The following MDC1 variants were observed in gnomAD, a reference collection of about 807,000 sequenced individuals.
MDC1 encodes the protein mediator of DNA damage checkpoint protein 1.
A neutral mutation model predicts 142.5 loss-of-function variants in MDC1; 81 were observed. The observed-to-expected ratio is 0.57, with a 90% confidence interval of 0.47 to 0.68. MDC1 has a LOEUF of 0.68. Ranked by LOEUF, MDC1 falls within the 30% of genes least tolerant of loss-of-function variation. MDC1 has a pLI of 0.00. For missense variants in MDC1, 2,119 were observed against 2,547.9 expected (o/e 0.83, Z 3.62); for synonymous variants, 797 against 968.4 (o/e 0.82, Z 3.29).
rs1182455407 is a variant in MDC1 at position 30,704,220 on chromosome 6, G to A, written c.4963C>T (p.Pro1655Ser). 6.2e-7 allele frequency: 1 copy of A among 1,613,706 alleles called. No individual in the cohort carries two copies. Among genetic ancestry groups the A allele is most frequent in the Non-Finnish European group, 8.5e-7 (1 of 1,179,866 alleles). The change falls in exon 10 of 15, where the codon CCA (proline) becomes TCA (serine). Residue 1655 changes from proline to serine, a missense_variant. By Grantham distance (74) the Pro-to-Ser change is moderately conservative (BLOSUM62 -1). Coordinates refer to ENST00000376406, the MANE Select transcript of MDC1 (RefSeq NM_014641.3). ...SSVKTPKPVEPAASDLEPFTP... is the reference protein window; with the variant it reads ...SSVKTPKPVESAASDLEPFTP... ...AAAGGCTCAAGATCAGAGGCTGCTG[G>A]TTCAACTGGTTTGGGAGTCTTGACA...
chr6:30,702,895 C>T lies in MDC1; in HGVS notation c.5866-18G>A. On this transcript the variant is annotated intron_variant, in intron 12 of 14. Coordinates refer to ENST00000376406, the MANE Select transcript of MDC1 (RefSeq NM_014641.3). ...TTGCGGGACTAAGGACGGCAGCAGT[C>T]AGCATCAAAGCTCAGCCCAGCCCCT... 6.2e-7 allele frequency: 1 copy of T among 1,612,784 alleles called. No homozygotes were observed. Among genetic ancestry groups the T allele is most frequent in the Middle Eastern group, 1.7e-4 (1 of 5,944 alleles).
At position 30,703,916 on chromosome 6, in the gene MDC1, T is replaced by C. The variant is rs374202779; in HGVS notation, c.5267A>G (p.Gln1756Arg). Residue 1756 changes from glutamine (Q) to arginine (R), a missense_variant, in exon 10 of 15, where the codon CAA (glutamine) becomes CGA (arginine). Transcript: ENST00000376406. This position sits in a 1 kb window ranked among gnomAD's most constrained non-coding sequence, Gnocchi z 4.4. ...LEPKSQASRN[Q>R]RWGAVRAAES... ...AGCTGCTCTCACTGCTCCCCATCTT[T>C]GGTTCCTTGAGGCCTGGGATTTAGG... The C allele has an allele frequency of 2.5e-6, 4 of 1,614,040 alleles. No individual in the cohort carries two copies. The African/African-American group carries it at 5.3e-5, about 22-fold the overall frequency.
At chr6:30,706,204 C>G in intron 9 of MDC1, 106 bp from the exon 10 acceptor site, 1 of 1,035,300 alleles carries the variant, frequency 9.7e-7, no homozygotes, top group Non-Finnish European at 1.4e-6. Flanking sequence ...TACCAGATTT[C>G]CACCGGGCGT....
Position 30,703,003 on chromosome 6 carries a change from C to T in MDC1, c.5865+101G>A. 6.3e-7 allele frequency: 1 copy of T among 1,575,920 alleles called. No homozygotes were observed. Among genetic ancestry groups the T allele is most frequent in the South Asian group, 1.2e-5 (1 of 85,934 alleles). On this transcript the variant is annotated intron_variant, in intron 12 of 14. Transcript: ENST00000376406. The surrounding 1 kb of genome is among the most constrained non-coding windows in gnomAD (Gnocchi z 4.4). ...TGCAGGCTTCTGGCTCACCAATGCCCCTGTCTTCCTGTAACGCCTCTTCCC... is the reference window on the plus strand; with the variant it reads ...TGCAGGCTTCTGGCTCACCAATGCCTCTGTCTTCCTGTAACGCCTCTTCCC...
Position 30,712,740 on chromosome 6 carries a change from T to A in MDC1, c.1202A>T (p.Asn401Ile). 1 of 1,613,112 alleles carries A rather than the reference T, an allele frequency of 6.2e-7. No individual in the cohort carries two copies. Among genetic ancestry groups the A allele is most frequent in the Non-Finnish European group, 8.5e-7 (1 of 1,180,036 alleles). The change falls in exon 5 of 15, where the codon AAC becomes ATC. Residue 401 changes from asparagine (N) to isoleucine (I), a missense_variant. Transcript: ENST00000376406. This position sits in a 1 kb window ranked among gnomAD's most constrained non-coding sequence, Gnocchi z 4.7. ...LEKSQASMVINSDTDDEEEVS... is the reference protein window; with the variant it reads ...LEKSQASMVIISDTDDEEEVS... Reference sequence around the variant, plus strand: ...TTCTTCCTCGTCATCTGTATCGCTGTTGATAACCATGGAAGCTTGGCTTTT... The same window carrying A: ...TTCTTCCTCGTCATCTGTATCGCTGATGATAACCATGGAAGCTTGGCTTTT...
At position 30,704,604 on chromosome 6, in the gene MDC1, G is replaced by C; in HGVS notation, c.4579C>G (p.Pro1527Ala). Residue 1527 changes from proline (P) to alanine (A), a missense_variant, in exon 10 of 15, where the codon CCT (proline) becomes GCT (alanine). Coordinates refer to ENST00000376406, the MANE Select transcript of MDC1 (RefSeq NM_014641.3). The part of the protein sequence containing the change: ...GRKNRSSVKT[P>A]ETVVPAAPEL... ...GGGGCTGCGGGCACAACTGTTTCAG[G>C]GGTCTTGACAGAGGACCGATTTTTT... 1 of 1,610,474 alleles carries C rather than the reference G, an allele frequency of 6.2e-7. No individual in the cohort carries two copies. Among genetic ancestry groups the C allele is most frequent in the Non-Finnish European group, 8.5e-7 (1 of 1,178,544 alleles).
Position 30,713,751 on chromosome 6 carries a change from G to T in MDC1, c.518-34C>A. The T allele has an allele frequency of 6.2e-7, 1 of 1,613,824 alleles. No homozygotes were observed. The highest frequency in any genetic ancestry group is 8.5e-7 in the Non-Finnish European group (1 of 1,179,806). On this transcript the variant is annotated intron_variant, in intron 3 of 14. Coordinates refer to ENST00000376406, the MANE Select transcript of MDC1 (RefSeq NM_014641.3). This position sits in a 1 kb window ranked among gnomAD's most constrained non-coding sequence, Gnocchi z 4.9. ...AACAGAAAGGAATGAGTTGACAATT[G>T]TACACTCATTATTCCTGTCTCCTCA...
chr6:30,700,351 C>G lies in MDC1; in HGVS notation c.*114G>C, dbSNP rs1772414376. 2 of 1,064,556 alleles carry G rather than the reference C, an allele frequency of 1.9e-6. No homozygotes were observed. The highest frequency in any genetic ancestry group is 5.2e-5 in the East Asian group (2 of 38,804). The allele number at this position is 1,064,556 out of a possible 1,614,324, so 65.9% of individuals were successfully genotyped here. A position where few individuals can be genotyped will look rare whatever the true frequency, so the allele number is the denominator to read the frequency against. On this transcript the variant is annotated 3_prime_UTR_variant, in exon 15 of 15. Transcript: ENST00000376406. ...TATTCATAAAGATTTCTGGTCCCAC[C>G]CATGTTCCAGGACAAGTTGTATCAA...
intron 7 of MDC1, among the ~76,000 whole-genome samples, chr6:30,710,090 CT>C (rs966576108): frequency 2.0e-5 from 3 of 150,472 alleles, no homozygotes; most frequent in African/African-American, 2.4e-5. Context: ...TACACATTTT[CT>C]TTTTTTTTAT....
Position 30,705,554 on chromosome 6 carries a change from T to C in MDC1, c.3629A>G (p.Gln1210Arg), listed in dbSNP as rs772628259. The change falls in exon 10 of 15, where the codon CAG becomes CGG. Residue 1210 changes from glutamine to arginine, a missense_variant. By Grantham distance (43) the Gln-to-Arg change is conservative. Transcript: ENST00000376406. The part of the protein sequence containing the change: ...ETVVPTALEL[Q>R]PSTSTDRPVT... ...AGGTCGGTCGGTGGAGGTGGAAGGC[T>C]GGAGCTCAAGGGCTGTGGGCACAAC... is the stretch of plus-strand genomic sequence containing the variant. 20 of 1,605,360 alleles carry C rather than the reference T, an allele frequency of 1.2e-5. No homozygotes were observed. In the African/African-American group the frequency reaches 2.4e-4, roughly 20 times the overall value.
rs142612441 is a variant in MDC1, at chr6:30,713,920, C to T, written c.400G>A (p.Asp134Asn). 3.4e-4 allele frequency: 554 copies of T among 1,613,434 alleles called. No homozygotes were observed. Among genetic ancestry groups the T allele is most frequent in the African/African-American group, 2.3e-3 (174 of 75,002 alleles). Residue 134 changes from aspartate (D) to asparagine (N), a missense_variant, in exon 3 of 15, where the codon GAT becomes AAT. Asp to Asn is a conservative substitution (Grantham distance 23). Transcript: ENST00000376406. The surrounding 1 kb of genome is among the most constrained non-coding windows in gnomAD (Gnocchi z 4.9). The part of the protein sequence containing the change: ...ADLLCQYHRL[D>N]VSLPFVSRGP... ...CGGGAGACAAAGGGCAGAGAGACAT[C>T]CAGGCGATGGTACTGGCAGAGCAAG...
rs148491074 is a variant in MDC1, at chr6:30,713,843, G to A, written c.477C>T (p.Pro159=). 7 of 1,613,976 alleles carry A rather than the reference G, an allele frequency of 4.3e-6. No homozygotes were observed. The African/African-American group carries it at 8.0e-5, about 18-fold the overall frequency. Residue 159 remains proline (P), a synonymous_variant, in exon 3 of 15, where the codon CCC becomes CCT. Coordinates refer to ENST00000376406, the MANE Select transcript of MDC1 (RefSeq NM_014641.3). This position sits in a 1 kb window ranked among gnomAD's most constrained non-coding sequence, Gnocchi z 4.9. ...AGTCCTCAGCCAACAGAAGCCTCTG[G>A]GGTTGAGTTTCTCCCTGTACTCTGG... is the stretch of plus-strand genomic sequence containing the variant. ...ETPRVQGETQ[P]QRLLLAEDSE...
Position 30,707,597 on chromosome 6 carries a change from T to C in MDC1, c.2982A>G (p.Gly994=). ...GATGCCTCCTGGGGCTCACTGGGGA[T>C]CCCCTTCCACCTGACTGGCTCCCAG... ...VPSGSQSGGR[G]SPVSPRRHQK... is the part of the protein sequence containing the mutation. Residue 994 remains glycine (G), a synonymous_variant, in exon 8 of 15, where the codon GGA becomes GGG. Transcript: ENST00000376406. The C allele has an allele frequency of 3.7e-6, 6 of 1,612,350 alleles. No individual in the cohort carries two copies. Among genetic ancestry groups the C allele is most frequent in the Non-Finnish European group, 5.1e-6 (6 of 1,179,482 alleles).
chr6:30,700,665 G>T (rs1348194423), intron 14 of MDC1, 33 bp from the exon 15 acceptor site: 1 of 1,609,486 alleles, frequency 6.2e-7, no homozygotes, highest in Non-Finnish European at 8.5e-7. Flanking sequence ...AAAATCAGGT[G>T]AAAAAGAATC....
At position 30,711,961 on chromosome 6, in the gene MDC1, G is replaced by A. The variant is rs759781838; in HGVS notation, c.1981C>T (p.Pro661Ser). 52 of 1,576,602 alleles carry A rather than the reference G, an allele frequency of 3.3e-5. No individual in the cohort carries two copies. The highest frequency in any genetic ancestry group is 3.2e-4 in the South Asian group (27 of 85,356). ...DTDTLGESTQ[P>S]QREGAQVPTG... Reference sequence around the variant, plus strand: ...GGGACCTGGGCTCCCTCTCTCTGTGGCTGGGTGGATTCCCCTAGAGTGTCT... The same window carrying A: ...GGGACCTGGGCTCCCTCTCTCTGTGACTGGGTGGATTCCCCTAGAGTGTCT... Residue 661 changes from proline to serine, a missense_variant, in exon 5 of 15, where the codon CCA becomes TCA. Pro to Ser is a moderately conservative substitution (Grantham distance 74). Transcript: ENST00000376406.
At position 30,716,621 on chromosome 6, in the gene MDC1, A is replaced by G. The variant is rs1290833978; in HGVS notation, c.-4+624T>C. 6.6e-6 allele frequency among the ~76,000 whole-genome samples: 1 copy of G among 152,162 alleles called. No homozygotes were observed. Among genetic ancestry groups the G allele is most frequent in the Non-Finnish European group, 1.5e-5 (1 of 68,038 alleles). ...GGTCAATGGATTTGTGCTTACTCTA[A>G]GATCTCTCGCTATATTGTAACCATT... On this transcript the variant is annotated intron_variant, in intron 1 of 14. Transcript: ENST00000376406. This position sits in a 1 kb window ranked among gnomAD's most constrained non-coding sequence, Gnocchi z 4.4.
chr6:30,702,710 T>TG, intron 13 of MDC1, 42 bp downstream of exon 13: 1 of 1,612,680 alleles, frequency 6.2e-7, no homozygotes, highest in Non-Finnish European at 8.5e-7. Flanking sequence ...TGGGAAGCAC[T>TG]GGAGGGAGGG....
chr6:30,714,696 C>T (rs1026916553), intron 2 of MDC1, among the ~76,000 whole-genome samples: 7 of 151,884 alleles, frequency 4.6e-5, no homozygotes, highest in Non-Finnish European at 5.9e-5. Context: ...TTAAATTTTT[C>T]GTAGAGACAG....
chr6:30,702,365 A>G (rs932024974), intron 14 of MDC1, among the ~76,000 whole-genome samples, 188 bp downstream of exon 14: 2 of 151,556 alleles, frequency 1.3e-5, no homozygotes, highest in Admixed American at 6.6e-5. Flanking sequence ...TGATTGTTAT[A>G]TGGGGGTATC....
Sources: allele counts gnomAD v4.1 joint callset (sites outside exome capture counted in the v4.1 genomes callset), GRCh38; gene constraint gnomAD v4.1.1; non-coding constraint Gnocchi (gnomAD v3.1); transcripts MANE v1.5; gene names NCBI Gene and HGNC (gene_info 2026-07-23, HGNC 2026-07-21).